LIPC: variants seen among roughly 807,000 people sequenced by gnomAD.
LIPC encodes the protein lipase C, hepatic type.
A neutral mutation model predicts 50.7 loss-of-function variants in LIPC; 44 were observed. That is an observed-to-expected ratio of 0.87 (90% CI 0.68 to 1.11). The LOEUF (loss-of-function observed/expected upper bound fraction) is 1.11, where lower values mean the gene tolerates loss of function less well. Among genes scored for constraint, LIPC ranks in the 50% most tolerant of loss-of-function variants. The pLI is 0.00. For missense variants in LIPC, 697 were observed against 648.2 expected, an observed-to-expected ratio of 1.08 and a Z score of -0.82; for synonymous variants, 271 against 256.4, an observed-to-expected ratio of 1.06 and a Z score of -0.54.
intron 1 of LIPC, among the ~76,000 whole-genome samples, chr15:58,507,850 G>A (rs950365920): frequency 2.0e-5 from 3 of 152,226 alleles, no homozygotes; most frequent in African/African-American, 7.2e-5. Flanking sequence ...CATAGGGGAA[G>A]GGGAGATGGG....
At chr15:58,566,388 G>T (rs1202789181) in intron 8 of LIPC, 2 of 985,212 alleles carry the variant, frequency 2.0e-6, no homozygotes, top group Admixed American at 6.1e-5. Context: ...CACAATCTGT[G>T]TAGCCTCAAA....
At chr15:58,491,755 C>T (rs547463927) in intron 1 of LIPC, among the ~76,000 whole-genome samples, 1 of 152,310 alleles carries the variant, frequency 6.6e-6, no homozygotes, top group South Asian at 2.1e-4. Flanking sequence ...ATTGCCTGAC[C>T]AGAGGTACAA....
At chr15:58,436,679 C>T (rs150839936) in intron 1 of LIPC, 4,916 of 455,656 alleles carry the variant, frequency 0.011, 50 homozygotes, top group Non-Finnish European at 0.017. Context: ...ATGTTATCAG[C>T]TAGAACAGAA....
intron 8 of LIPC, chr15:58,565,142 G>A: frequency 6.7e-7 from 1 of 1,497,204 alleles, no homozygotes; most frequent in Non-Finnish European, 9.0e-7. Flanking sequence ...CAAAATCCTG[G>A]CAATTACTGA....
In LIPC at chr15:58,453,156, C is replaced by G. The variant is rs564774988; in HGVS notation, c.88+21036C>G. ...TCAGGTACACTGCCTCATAGTATTT[C>G]TTCTCCCCGCTTGGCTGAGCCTCCT... On this transcript the variant is annotated intron_variant, in intron 1 of 8. Coordinates refer to ENST00000299022, the MANE Select transcript of LIPC (RefSeq NM_000236.3). 3.8e-3 allele frequency among the ~76,000 whole-genome samples: 573 copies of G among 152,226 alleles called. 5 individuals carry two copies. Among genetic ancestry groups the G allele is most frequent in the African/African-American group, 0.013 (548 of 41,524 alleles).
At chr15:58,471,913 C>T (rs1358903362) in intron 1 of LIPC, among the ~76,000 whole-genome samples, 1 of 152,138 alleles carries the variant, frequency 6.6e-6, no homozygotes, top group Non-Finnish European at 1.5e-5. Flanking sequence ...GGGCAGGGGA[C>T]ATAGCTCTTT....
chr15:58,477,491 T>C (rs955086809), intron 1 of LIPC, among the ~76,000 whole-genome samples: 8 of 152,188 alleles, frequency 5.3e-5, no homozygotes, highest in Admixed American at 1.3e-4. Flanking sequence ...GCCAAAGCAA[T>C]TTTGAAGTCT....
At chr15:58,474,513 G>GAAA (rs67354532) in intron 1 of LIPC, among the ~76,000 whole-genome samples, 2 of 130,792 alleles carry the variant, frequency 1.5e-5, no homozygotes, top group African/African-American at 5.8e-5. Context: ...CCTGTCTCAG[G>GAAA]AAAAAAAAAA....
chr15:58,558,853 C>T (rs1345775532), intron 6 of LIPC, among the ~76,000 whole-genome samples: 3 of 152,222 alleles, frequency 2.0e-5, no homozygotes, highest in Non-Finnish European at 4.4e-5. Flanking sequence ...AATAAATCAA[C>T]TCTTAGTATT....
At chr15:58,534,027 G>T (rs1182294436) in intron 1 of LIPC, among the ~76,000 whole-genome samples, 1 of 152,196 alleles carries the variant, frequency 6.6e-6, no homozygotes, top group Non-Finnish European at 1.5e-5. Context: ...TCAGTATTTG[G>T]TGACCCAGTA....
rs768798538 is a variant in LIPC at position 58,548,435 on chromosome 15, T to C, written c.914T>C (p.Met305Thr). ...TQSMAYPCGD[M>T]NSFSQGLCLS... ...AGCATGGCCTACCCGTGTGGTGACA[T>C]GAACAGCTTCAGCCAGGGCCTGTGC... The change falls in exon 6 of 9, where the codon ATG (methionine) becomes ACG (threonine). Residue 305 changes from methionine to threonine, a missense_variant. By Grantham distance (81) the Met-to-Thr change is moderately conservative. Transcript: ENST00000299022. 1.2e-6 allele frequency: 2 copies of C among 1,613,884 alleles called. No homozygotes were observed. The highest frequency in any genetic ancestry group is 1.3e-5 in the African/African-American group (1 of 74,922).
intron 2 of LIPC, 53 bp from the exon 3 acceptor site, chr15:58,541,732 G>C (rs1018150524): frequency 4.2e-5 from 65 of 1,552,940 alleles, no homozygotes; most frequent in African/African-American, 3.3e-4. Flanking sequence ...AAGGAAGAAG[G>C]GTGAGCGGGG....
At chr15:58,433,938 G>C (rs148968484) in intron 1 of LIPC, among the ~76,000 whole-genome samples, 3 of 152,214 alleles carry the variant, frequency 2.0e-5, no homozygotes, top group African/African-American at 7.2e-5. Context: ...CTGGTATGAT[G>C]TCTTTCTGGG....
intron 1 of LIPC, among the ~76,000 whole-genome samples, chr15:58,452,653 T>C (rs1419196156): frequency 6.6e-6 from 1 of 151,956 alleles, no homozygotes; most frequent in East Asian, 1.9e-4. Context: ...GAAGATGGAA[T>C]CTGCAGTGGG....
At chr15:58,481,684 G>C (rs1437155226) in intron 1 of LIPC, among the ~76,000 whole-genome samples, 1 of 152,144 alleles carries the variant, frequency 6.6e-6, no homozygotes, top group African/African-American at 2.4e-5. Context: ...TGTAACCCCA[G>C]CTACTCGAGA....
rs1251842465 is a variant in LIPC, at chr15:58,537,505, G to A, written c.89-828G>A. Among the ~76,000 whole-genome samples the A allele has an allele frequency of 5.4e-5, 3 of 55,840 alleles. No individual in the cohort carries two copies. In the Admixed American group the frequency reaches 6.6e-4, roughly 12 times the overall value. The allele number at this position is 55,840 out of a possible 152,430, so 36.6% of individuals were successfully genotyped here. A position where few individuals can be genotyped will look rare whatever the true frequency, so the allele number is the denominator to read the frequency against. On this transcript the variant is annotated intron_variant, in intron 1 of 8. Coordinates refer to ENST00000299022, the MANE Select transcript of LIPC (RefSeq NM_000236.3). ...TTGCAAACTCTTTAGCAGCAGCCTG[G>A]CATCTGGAGCATGAAGCCAGACTCT...
intron 6 of LIPC, 41 bp downstream of exon 6, chr15:58,548,613 A>C (rs553265364): frequency 2.5e-6 from 4 of 1,570,582 alleles, no homozygotes; most frequent in Non-Finnish European, 3.4e-6. Flanking sequence ...GGCAGGATGC[A>C]GTCCCCTGTC....
chr15:58,514,149 G>A (rs930421888), intron 1 of LIPC, among the ~76,000 whole-genome samples: 48 of 152,158 alleles, frequency 3.2e-4, no homozygotes, highest in African/African-American at 1.1e-3. Flanking sequence ...AACTAAAGGA[G>A]CCAGAACACC....
intron 1 of LIPC, chr15:58,522,323 A>G (rs966505297): frequency 1.0e-4 from 16 of 152,814 alleles, no homozygotes; most frequent in African/African-American, 3.6e-4. Context: ...GCAGAGGCAG[A>G]GAACCAGTGA....
Sources: allele counts gnomAD v4.1 joint callset (sites outside exome capture counted in the v4.1 genomes callset), GRCh38; gene constraint gnomAD v4.1.1; transcripts MANE v1.5; gene names NCBI Gene and HGNC (gene_info 2026-07-23, HGNC 2026-07-21).